CNOT1: variants seen among roughly 807,000 people sequenced by gnomAD.
CNOT1 encodes CCR4-associated factor 1.
In CNOT1, 15 loss-of-function variants were observed where a neutral mutation model predicts 273.8. That is an observed-to-expected ratio of 0.05 (90% CI 0.04 to 0.08). The LOEUF (loss-of-function observed/expected upper bound fraction) is 0.08. Among genes scored for constraint, CNOT1 ranks in the 10% least tolerant of loss-of-function variants. The pLI, the probability that CNOT1 is intolerant of heterozygous loss-of-function variation, is 1.00. For missense variants in CNOT1, 1,644 were observed against 2,912.2 expected (o/e 0.56, Z 10.02); for synonymous variants, 1,022 against 1,005.5 (o/e 1.02, Z -0.31).
Position 58,560,289 on chromosome 16 carries a change from T to C in CNOT1, c.2053A>G (p.Arg685Gly), listed in dbSNP as rs2040787326. Residue 685 changes from arginine (R) to glycine (G), a missense_variant, in exon 17 of 49, where the codon AGA (arginine) becomes GGA (glycine). By Grantham distance (125) the Arg-to-Gly change is moderately radical. This residue lies in a region of CNOT1 where 706 missense variants were observed against 1,021.2 expected (regional missense o/e 0.69). Transcript: ENST00000317147. The stretch of plus-strand genomic sequence containing the variant: ...GGCATAACTCCAGGTGGTGGTTGTC[T>C]GGCCTTATTCATAACATTACTGCAA... ...ANCSNVMNKA[R>G]QPPPGVMPKG... The C allele has an allele frequency of 1.9e-6, 3 of 1,614,232 alleles. No homozygotes were observed. Among genetic ancestry groups the C allele is most frequent in the Non-Finnish European group, 2.5e-6 (3 of 1,180,044 alleles).
chr16:58,574,977 A>T (rs201776075), intron 15 of CNOT1, 30 bp downstream of exon 15: 1 of 1,607,056 alleles, frequency 6.2e-7, no homozygotes, highest in Admixed American at 1.7e-5. Context: ...AAAATTTAAG[A>T]GCAAAAATAA....
In CNOT1 at chr16:58,532,249, C is replaced by A; in HGVS notation, c.6042G>T (p.Gln2014His). ...ATACTCACCAGAAAGCTGTAAGTGTCTGGAAATTAATGGTTTCCAACACAT... is the reference window on the plus strand; with the variant it reads ...ATACTCACCAGAAAGCTGTAAGTGTATGGAAATTAATGGTTTCCAACACAT... ...PEHVLETINF[Q>H]TLTAFCNTFH... The change falls in exon 41 of 49, where the codon CAG becomes CAT. Residue 2014 changes from glutamine to histidine, a missense_variant. Gln to His is a conservative substitution (Grantham distance 24, BLOSUM62 0). Coordinates refer to ENST00000317147, the MANE Select transcript of CNOT1 (RefSeq NM_016284.5). 1.2e-6 allele frequency: 2 copies of A among 1,614,104 alleles called. No individual in the cohort carries two copies. Among genetic ancestry groups the A allele is most frequent in the East Asian group, 2.2e-5 (1 of 44,882 alleles).
chr16:58,620,979 CAA>C (rs1033847459), intron 1 of CNOT1, among the ~76,000 whole-genome samples: 3 of 151,108 alleles, frequency 2.0e-5, no homozygotes, highest in African/African-American at 7.3e-5. Context: ...AAAGTTATTT[CAA>C]AAAAGACAAG....
intron 8 of CNOT1, among the ~76,000 whole-genome samples, chr16:58,584,555 C>T (rs376378337): frequency 1.2e-3 from 181 of 152,194 alleles, no homozygotes; most frequent in African/African-American, 4.3e-3. Flanking sequence ...TGGTCTTGAA[C>T]TCCTGACATC....
intron 9 of CNOT1, 45 bp downstream of exon 9, chr16:58,583,011 G>C (rs532690938): frequency 6.2e-7 from 1 of 1,611,928 alleles, no homozygotes; most frequent in South Asian, 1.1e-5. Flanking sequence ...AAATAAAGAG[G>C]ACAGGACATT....
At chr16:58,624,816 C>G (rs866315909) in intron 1 of CNOT1, 1 of 152,046 alleles carries the variant, frequency 6.6e-6, no homozygotes, top group Non-Finnish European at 1.5e-5. Context: ...AACAAACAAA[C>G]GAAAAAACTC....
intron 39 of CNOT1, among the ~76,000 whole-genome samples, chr16:58,535,306 G>A (rs2039891123): frequency 6.6e-6 from 1 of 152,226 alleles, no homozygotes; most frequent in Admixed American, 6.5e-5. Flanking sequence ...GGGACAGAAT[G>A]CCAGCATGGC....
At chr16:58,601,133 T>C (rs917722089) in intron 1 of CNOT1, among the ~76,000 whole-genome samples, 2 of 152,198 alleles carry the variant, frequency 1.3e-5, no homozygotes, top group African/African-American at 2.4e-5. Context: ...TTGTTGTGTT[T>C]TTAGTAAAGA....
At chr16:58,560,484 G>C (rs2040796537) in intron 16 of CNOT1, 122 bp from the exon 17 acceptor site, 3 of 1,448,350 alleles carry the variant, frequency 2.1e-6, no homozygotes, top group Non-Finnish European at 2.7e-6. Flanking sequence ...CCAGACTGGA[G>C]TGCAGTAGCA....
At chr16:58,531,813 T>G in intron 42 of CNOT1, 145 bp downstream of exon 42, 2 of 971,824 alleles carry the variant, frequency 2.1e-6, no homozygotes, top group Non-Finnish European at 3.0e-6. Flanking sequence ...GTAATTGACT[T>G]GAGTGAACAC....
chr16:58,551,311 G>T (rs2040441059), intron 23 of CNOT1, 39 bp from the exon 24 acceptor site: 2 of 1,533,518 alleles, frequency 1.3e-6, no homozygotes, highest in Non-Finnish European at 8.7e-7. Flanking sequence ...CAAATAAGTT[G>T]AAATGCTTCC....
intron 43 of CNOT1, among the ~76,000 whole-genome samples, chr16:58,528,978 A>G (rs1475348441): frequency 6.6e-6 from 1 of 152,006 alleles, no homozygotes; most frequent in Non-Finnish European, 1.5e-5. Flanking sequence ...CAAAGAAAGT[A>G]GAGTAAAAGC....
At position 58,622,349 on chromosome 16, in the gene CNOT1, G is replaced by C. The variant is rs1445704036; in HGVS notation, c.-175+7379C>G. Among the ~76,000 whole-genome samples the C allele has an allele frequency of 4.4e-4, 13 of 29,628 alleles. 4 individuals are homozygous for C. Among genetic ancestry groups the C allele is most frequent in the Admixed American group, 1.3e-3 (4 of 3,018 alleles). The allele number at this position is 29,628 out of a possible 152,430, so 19.4% of individuals were successfully genotyped here. A position where few individuals can be genotyped will look rare whatever the true frequency, so the allele number is the denominator to read the frequency against. On this transcript the variant is annotated intron_variant, in intron 1 of 48. Coordinates refer to ENST00000317147, the MANE Select transcript of CNOT1 (RefSeq NM_016284.5). ...CCACTCTAGTGGGGGGGGGGGGGGG[G>C]GCGGGCGTGGACAATGGGCAAGGCA...
intron 16 of CNOT1, 125 bp downstream of exon 16, chr16:58,574,484 T>C: frequency 1.1e-6 from 1 of 896,716 alleles, no homozygotes; most frequent in Non-Finnish European, 1.6e-6. Context: ...TATAGGACTT[T>C]GGACTTAAAA....
chr16:58,597,070 T>G (rs1368743790), intron 2 of CNOT1, among the ~76,000 whole-genome samples: 7 of 146,904 alleles, frequency 4.8e-5, no homozygotes, highest in African/African-American at 1.5e-4. Flanking sequence ...TCAACTGGTC[T>G]ATTCAAGCTC....
rs1267754964 is a variant in CNOT1, at chr16:58,615,779, G to A, written c.-175+13949C>T. 3.2e-5 allele frequency among the ~76,000 whole-genome samples: 4 copies of A among 124,630 alleles called. 1 individual carries two copies. Among genetic ancestry groups the A allele is most frequent in the East Asian group, 3.9e-4 (2 of 5,122 alleles). 81.8% of individuals were successfully genotyped at this position (124,630 alleles called of 152,430 possible). On this transcript the variant is annotated intron_variant, in intron 1 of 48. Coordinates refer to ENST00000317147, the MANE Select transcript of CNOT1 (RefSeq NM_016284.5). ...ATGAACATGTAAGGAAAAGAGAAGC[G>A]AATGTACTCAAGAAACAGCAGGCCA...
intron 2 of CNOT1, among the ~76,000 whole-genome samples, chr16:58,595,715 AG>A (rs1057142898): frequency 1.2e-4 from 19 of 152,112 alleles, no homozygotes; most frequent in African/African-American, 3.6e-4. Flanking sequence ...GCCATCCTCC[AG>A]GGAAGGGGCC....
intron 1 of CNOT1, among the ~76,000 whole-genome samples, chr16:58,618,517 A>G (rs2152044303): frequency 6.6e-6 from 1 of 152,164 alleles, no homozygotes; most frequent in Admixed American, 6.6e-5. Flanking sequence ...CAGGAGGCAG[A>G]TGTTGCAGCG....
At chr16:58,589,020 C>T (rs113450218) in intron 2 of CNOT1, 114 bp from the exon 3 acceptor site, 5 of 1,283,240 alleles carry the variant, frequency 3.9e-6, no homozygotes, top group African/African-American at 3.0e-5. Context: ...ACATTAGTTA[C>T]TCATTTTTGA....
Sources: gnomAD v4.1 joint callset for allele counts (sites outside exome capture counted in the v4.1 genomes callset) on GRCh38, gnomAD v4.1.1 for gene constraint, gnomAD v4.1.1 regional missense constraint, MANE v1.5 for transcripts, NCBI Gene and HGNC (gene_info 2026-07-23, HGNC 2026-07-21) for gene names.